Variants in ROBO2 observed in about 807,000 individuals in gnomAD.
ROBO2 encodes roundabout homolog 2.
ROBO2 carries 53 observed loss-of-function variants against 160.8 expected under a neutral mutation model. That is an observed-to-expected ratio of 0.33 (90% confidence interval 0.26 to 0.41). The LOEUF (loss-of-function observed/expected upper bound fraction) is 0.41. ROBO2 is among the 10% of genes least tolerant of loss of function. The pLI, the probability that ROBO2 is intolerant of heterozygous loss-of-function variation, is 1.00. For missense variants in ROBO2, 1,577 were observed against 1,722.4 expected (o/e 0.92, Z 1.49); for synonymous variants, 664 against 611.7 (o/e 1.09, Z -1.26).
chr3:76,838,453 G>T (rs3884321), intron 2 of ROBO2, among the ~76,000 whole-genome samples: 19,406 of 152,010 alleles, frequency 0.13, 1,394 homozygotes, highest in East Asian at 0.24. Context: ...ATGCCACATA[G>T]TTTTTCAAAT....
chr3:77,556,552 T>C (rs1255490150), intron 8 of ROBO2, among the ~76,000 whole-genome samples: 1 of 151,878 alleles, frequency 6.6e-6, no homozygotes, highest in Non-Finnish European at 1.5e-5. Flanking sequence ...ACTTTAATCT[T>C]TTGTTCCCTA....
In ROBO2 at chr3:77,296,139, A is replaced by G. The variant is rs191075697; in HGVS notation, c.389-181275A>G. 9.9e-4 allele frequency among the ~76,000 whole-genome samples: 151 copies of G among 151,878 alleles called. No individual in the cohort carries two copies. In the Middle Eastern group the frequency reaches 0.017, roughly 17 times the overall value. On this transcript the variant is annotated intron_variant, in intron 2 of 25. Coordinates refer to ENST00000461745, the Ensembl canonical transcript of ROBO2. ...GCTGAGTCTAGATCACCCCAGATGT[A>G]AAGTAAAATTGACGGCTAAACGAGT...
At chr3:75,991,173 A>G (rs1461464958) in intron 2 of ROBO2, among the ~76,000 whole-genome samples, 1 of 152,132 alleles carries the variant, frequency 6.6e-6, no homozygotes, top group Non-Finnish European at 1.5e-5. Flanking sequence ...GTGTGTATGT[A>G]TGTATGTATC....
chr3:77,235,355 A>ATTTTTTTT lies in ROBO2; in HGVS notation c.388+137023_388+137030dup, dbSNP rs35778905. Among the ~76,000 whole-genome samples the ATTTTTTTT allele has an allele frequency of 6.1e-4, 87 of 143,792 alleles. 3 individuals carry two copies. In the South Asian group the frequency reaches 0.019, roughly 31 times the overall value. 94.3% of individuals were successfully genotyped at this position (143,792 alleles called of 152,430 possible). A position where few individuals can be genotyped will look rare whatever the true frequency, so the allele number is the denominator to read the frequency against. On this transcript the variant is annotated intron_variant, in intron 2 of 25. Coordinates refer to ENST00000461745, the Ensembl canonical transcript of ROBO2. ...GCATTCTATAATATGAGAGGAGAAT[A>ATTTTTTTT]TTTTTTTTTTTTTTTGAGACGGAGT... is the stretch of plus-strand genomic sequence containing the variant.
rs1004695565 is a variant in ROBO2, at chr3:76,062,045, C to G, written c.109+124443C>G. Among the ~76,000 whole-genome samples, 4 of 152,110 alleles carry G rather than the reference C, an allele frequency of 2.6e-5. 1 individual carries two copies. Among genetic ancestry groups the G allele is most frequent in the Admixed American group, 1.3e-4 (2 of 15,266 alleles). On this transcript the variant is annotated intron_variant, in intron 2 of 26. Transcript: ENST00000487694. ...TGTCATTGGGCTTGCTAGGATGACT[C>G]CAGATAATCTACCTATTTTGAGGCC...
chr3:77,493,578 G>C (rs750659574), intron 5 of ROBO2, among the ~76,000 whole-genome samples, 196 bp downstream of exon 5: 5 of 152,114 alleles, frequency 3.3e-5, no homozygotes, highest in Non-Finnish European at 5.9e-5. Context: ...CTCTTTCAAT[G>C]AGTATCTACA....
At chr3:77,275,469 A>G (rs1422112103) in intron 2 of ROBO2, among the ~76,000 whole-genome samples, 3 of 152,142 alleles carry the variant, frequency 2.0e-5, no homozygotes, top group South Asian at 2.1e-4. Context: ...GTGGCTAAAG[A>G]TATTTCTTTC....
At chr3:75,953,955 T>C (rs1948639944) in intron 2 of ROBO2, among the ~76,000 whole-genome samples, 1 of 151,830 alleles carries the variant, frequency 6.6e-6, no homozygotes, top group Non-Finnish European at 1.5e-5. Flanking sequence ...GAACCAAGTG[T>C]TTATTTTAGC....
chr3:77,251,319 C>T (rs577980046), intron 2 of ROBO2, among the ~76,000 whole-genome samples: 3 of 152,144 alleles, frequency 2.0e-5, no homozygotes, highest in African/African-American at 7.2e-5. Context: ...ATGGGTCAAG[C>T]CACACACACC....
chr3:76,479,186 A>C (rs1346144377), intron 2 of ROBO2, among the ~76,000 whole-genome samples: 6 of 152,190 alleles, frequency 3.9e-5, no homozygotes, highest in African/African-American at 7.2e-5. Context: ...TGCAAAAGCA[A>C]AGTAGGTTTG....
intron 2 of ROBO2, among the ~76,000 whole-genome samples, chr3:75,967,574 C>T (rs1263722088): frequency 6.6e-6 from 1 of 151,372 alleles, no homozygotes; most frequent in Non-Finnish European, 1.5e-5. Flanking sequence ...GTATGTATGG[C>T]CCTTACACAT....
intron 2 of ROBO2, among the ~76,000 whole-genome samples, chr3:77,193,229 G>C (rs2082020282): frequency 6.6e-6 from 1 of 151,580 alleles, no homozygotes. Flanking sequence ...ACATGGAAGG[G>C]ATTCTTGTTG....
chr3:77,209,166 C>T (rs2083793405), intron 2 of ROBO2, among the ~76,000 whole-genome samples: 1 of 152,104 alleles, frequency 6.6e-6, no homozygotes, highest in Non-Finnish European at 1.5e-5. Context: ...GTTAATTTCA[C>T]ACAGCCAATA....
intron 2 of ROBO2, among the ~76,000 whole-genome samples, chr3:76,482,162 C>T (rs572748626): frequency 2.6e-5 from 4 of 152,128 alleles, no homozygotes; most frequent in Admixed American, 2.0e-4. Flanking sequence ...CATAGAATCA[C>T]GCTCTGCAGG....
At position 75,934,660 on chromosome 3, in the gene ROBO2, A is replaced by T. The variant is rs1231456478; in HGVS notation, c.-13-2821A>T. On this transcript the variant is annotated intron_variant, in intron 1 of 26. Coordinates refer to the ROBO2 transcript ENST00000487694. ...TTTATGAAATATTAGTTTTCCATAA[A>T]CATCAACTCAGAGAGGAAGGTTACA... is the stretch of plus-strand genomic sequence containing the variant. 3.9e-5 allele frequency among the ~76,000 whole-genome samples: 6 copies of T among 152,200 alleles called. 1 individual carries two copies. Among genetic ancestry groups the T allele is most frequent in the Admixed American group, 3.3e-4 (5 of 15,282 alleles).
chr3:76,256,357 T>TACACACACAC (rs746860395), intron 2 of ROBO2, among the ~76,000 whole-genome samples: 2 of 106,702 alleles, frequency 1.9e-5, no homozygotes, highest in East Asian at 3.0e-4. Flanking sequence ...CTCTCTCACA[T>TACACACACAC]ACACACACAC....
chr3:76,761,769 T>C (rs758310023), intron 2 of ROBO2, among the ~76,000 whole-genome samples: 1 of 151,670 alleles, frequency 6.6e-6, no homozygotes, highest in Non-Finnish European at 1.5e-5. Flanking sequence ...GAACATTGAA[T>C]TTAGAATATT....
chr3:76,084,252 C>T (rs1185023423), intron 2 of ROBO2, among the ~76,000 whole-genome samples: 1 of 152,108 alleles, frequency 6.6e-6, no homozygotes, highest in African/African-American at 2.4e-5. Flanking sequence ...TCATATGACT[C>T]ATGTAGACTC....
chr3:76,261,168 ATGTGTGTGTGTGTG>A (rs66742168), intron 2 of ROBO2, among the ~76,000 whole-genome samples: 13 of 122,854 alleles, frequency 1.1e-4, no homozygotes, highest in South Asian at 5.5e-4. Context: ...AAACTAAATT[ATGTGTGTGTGTGTG>A]TGTGTGTGTG....
Sources: allele counts gnomAD v4.1 joint callset (sites outside exome capture counted in the v4.1 genomes callset), GRCh38; gene constraint gnomAD v4.1.1; transcripts MANE v1.5; gene names NCBI Gene and HGNC (gene_info 2026-07-23, HGNC 2026-07-21).